Variants in FOXP1 observed in about 807,000 individuals in gnomAD.
The protein encoded by FOXP1 is forkhead box protein P1.
FOXP1 carries 15 observed loss-of-function variants against 98.2 expected under a neutral mutation model. That is an observed-to-expected ratio of 0.15 (90% CI 0.10 to 0.24). The LOEUF (loss-of-function observed/expected upper bound fraction) is 0.24, where lower values mean the gene tolerates loss of function less well. Among genes scored for constraint, FOXP1 ranks in the 10% least tolerant of loss-of-function variants. The pLI is 1.00. For missense variants in FOXP1, 633 were observed against 848.5 expected (o/e 0.75, Z 3.15); for synonymous variants, 371 against 314.5 (o/e 1.18, Z -1.90).
intron 10 of FOXP1, among the ~76,000 whole-genome samples, chr3:71,042,640 T>C (rs1260153834): frequency 4.6e-5 from 7 of 152,154 alleles, no homozygotes; most frequent in Non-Finnish European, 1.0e-4. Context: ...ATTGTTTCAA[T>C]CAAGTGTAAC....
chr3:71,436,252 A>G (rs1352212596), intron 3 of FOXP1, among the ~76,000 whole-genome samples: 1 of 152,046 alleles, frequency 6.6e-6, no homozygotes, highest in Non-Finnish European at 1.5e-5. Context: ...AACTTTACAC[A>G]TGTTCACAAT....
rs1366917350 is a variant in FOXP1, at chr3:71,354,163, A to AT, written c.-73+4986_-73+4987insA. Among the ~76,000 whole-genome samples, 53 of 151,602 alleles carry AT rather than the reference A, an allele frequency of 3.5e-4. No homozygotes were observed. In the South Asian group the frequency reaches 0.011, roughly 31 times the overall value. ...GTATTAAAAATACAAAAAAAAAAAA[A>AT]AAATACTAGGGAGGCTGAGGCAGGA... On this transcript the variant is annotated intron_variant, in intron 4 of 20. Transcript: ENST00000649528.
intron 3 of FOXP1, among the ~76,000 whole-genome samples, chr3:71,409,397 A>C (rs1240138878): frequency 1.3e-5 from 2 of 152,190 alleles, no homozygotes; most frequent in Non-Finnish European, 2.9e-5. Context: ...TGTAACCAGC[A>C]CTGAGATATT....
At chr3:71,066,442 C>T (rs2052521887) in intron 7 of FOXP1, among the ~76,000 whole-genome samples, 1 of 152,180 alleles carries the variant, frequency 6.6e-6, no homozygotes. Flanking sequence ...ACCCCACCCT[C>T]TCATGAATAT....
At chr3:71,060,422 C>G (rs542341159) in intron 7 of FOXP1, among the ~76,000 whole-genome samples, 38 of 152,136 alleles carry the variant, frequency 2.5e-4, no homozygotes, top group African/African-American at 8.7e-4. Flanking sequence ...GAAGACAAAG[C>G]CCAACCAAAA....
intron 3 of FOXP1, among the ~76,000 whole-genome samples, chr3:71,365,548 T>C (rs558938768): frequency 1.3e-5 from 2 of 152,086 alleles, no homozygotes; most frequent in East Asian, 1.9e-4. Context: ...AGTGACTTTA[T>C]GTTGGACCTT....
At position 70,955,244 on chromosome 3, in the gene FOXP1, A is replaced by G. The variant is rs2031496847; in HGVS notation, c.*4003T>C. The G allele has an allele frequency of 8.6e-6, 2 of 232,690 alleles. No individual in the cohort carries two copies. The highest frequency in any genetic ancestry group is 4.4e-5 in the African/African-American group (2 of 45,326). 14.4% of individuals were successfully genotyped at this position (232,690 alleles called of 1,614,324 possible). A position where few individuals can be genotyped will look rare whatever the true frequency, so the allele number is the denominator to read the frequency against. On this transcript the variant is annotated 3_prime_UTR_variant, in exon 21 of 21. Coordinates refer to ENST00000649528, the MANE Select transcript of FOXP1 (RefSeq NM_001349338.3). The stretch of plus-strand genomic sequence containing the variant: ...TTTTTTTCATGAGGAAAAAAAAGCT[A>G]GTGATTTACAGCCTATCTTGGGTTA...
chr3:71,107,209 C>A (rs1021211737), intron 7 of FOXP1, among the ~76,000 whole-genome samples: 4 of 152,176 alleles, frequency 2.6e-5, no homozygotes, highest in Non-Finnish European at 4.4e-5. Flanking sequence ...CATTATATTA[C>A]AACTTGCACC....
intron 3 of FOXP1, among the ~76,000 whole-genome samples, chr3:71,390,770 T>C (rs2080971319): frequency 6.6e-6 from 1 of 152,200 alleles, no homozygotes; most frequent in Non-Finnish European, 1.5e-5. Flanking sequence ...TAAGAAAGAT[T>C]TTAAAAGTTC....
At chr3:71,567,682 G>C (rs1244329885) in intron 2 of FOXP1, among the ~76,000 whole-genome samples, 1 of 152,124 alleles carries the variant, frequency 6.6e-6, no homozygotes, top group Non-Finnish European at 1.5e-5. Context: ...ATCTCTACTT[G>C]ATGGGGCTCG....
intron 3 of FOXP1, among the ~76,000 whole-genome samples, chr3:71,380,719 T>TTTG (rs56004559): frequency 2.0e-5 from 3 of 147,594 alleles, no homozygotes; most frequent in Non-Finnish European, 4.5e-5. Context: ...TTTTTTTTTT[T>TTTG]GCAAAACAAT....
chr3:71,513,679 T>C (rs2042362290), intron 2 of FOXP1, among the ~76,000 whole-genome samples: 1 of 152,158 alleles, frequency 6.6e-6, no homozygotes, highest in Non-Finnish European at 1.5e-5. Flanking sequence ...GTGGAATGGG[T>C]CATTCTTTGT....
intron 4 of FOXP1, among the ~76,000 whole-genome samples, chr3:71,354,130 C>A (rs918698059): frequency 6.8e-6 from 1 of 147,160 alleles, no homozygotes; most frequent in East Asian, 2.0e-4. Flanking sequence ...CAAGGTGAAA[C>A]CCCGTCTGTA....
intron 2 of FOXP1, among the ~76,000 whole-genome samples, chr3:71,576,300 G>T (rs908278558): frequency 2.0e-4 from 31 of 151,956 alleles, no homozygotes; most frequent in African/African-American, 6.3e-4. Context: ...CAGAACACTG[G>T]AACACAACTG....
At chr3:71,141,148 G>C (rs896836140) in intron 6 of FOXP1, among the ~76,000 whole-genome samples, 6 of 151,016 alleles carry the variant, frequency 4.0e-5, no homozygotes, top group Non-Finnish European at 8.8e-5. Flanking sequence ...GGCGCCTGTA[G>C]TTCCAGCTAC....
At chr3:71,130,758 C>G in intron 6 of FOXP1, 1 of 1,445,784 alleles carries the variant, frequency 6.9e-7, no homozygotes, top group South Asian at 1.5e-5. Flanking sequence ...GACAAAGAAA[C>G]CACAAGAATT....
At chr3:71,295,820 C>T (rs568279112) in intron 5 of FOXP1, among the ~76,000 whole-genome samples, 2 of 152,314 alleles carry the variant, frequency 1.3e-5, no homozygotes, top group South Asian at 4.1e-4. Flanking sequence ...CAAACCAAGG[C>T]AACCATAATA....
At chr3:71,031,187 A>G (rs1278857124) in intron 11 of FOXP1, among the ~76,000 whole-genome samples, 1 of 152,226 alleles carries the variant, frequency 6.6e-6, no homozygotes, top group Non-Finnish European at 1.5e-5. Flanking sequence ...TGTAAAATAC[A>G]CAATACACAA....
intron 14 of FOXP1, among the ~76,000 whole-genome samples, chr3:70,986,684 G>C (rs1222158044): frequency 6.6e-6 from 1 of 152,148 alleles, no homozygotes; most frequent in Non-Finnish European, 1.5e-5. Context: ...AACAGTGAAT[G>C]ACCTGGTTCT....
Sources: allele counts gnomAD v4.1 joint callset (sites outside exome capture counted in the v4.1 genomes callset), GRCh38; gene constraint gnomAD v4.1.1; transcripts MANE v1.5; gene names NCBI Gene and HGNC (gene_info 2026-07-23, HGNC 2026-07-21).